The following ACADL variants were observed in gnomAD, a reference collection of about 807,000 sequenced individuals.
ACADL encodes acyl-CoA dehydrogenase long chain, also known as long-chain specific acyl-CoA dehydrogenase, mitochondrial.
ACADL carries 60 observed loss-of-function variants against 56.9 expected under a neutral mutation model. That is an observed-to-expected ratio of 1.05 (90% CI 0.86 to 1.31). The LOEUF is 1.31. Ranked by LOEUF, ACADL falls within the 50% of genes most tolerant of loss-of-function variation. ACADL has a pLI of 0.00. For missense variants in ACADL, 484 were observed against 525.5 expected (o/e 0.92, Z 0.77); for synonymous variants, 158 against 179.7 (o/e 0.88, Z 0.97).
At chr2:210,222,273 G>A (rs373429077) in intron 1 of ACADL, among the ~76,000 whole-genome samples, 178 of 152,204 alleles carry the variant, frequency 1.2e-3, no homozygotes, top group African/African-American at 3.9e-3. Flanking sequence ...TAATACCTTA[G>A]AAGGTGGTAA....
chr2:210,216,470 G>GT lies in ACADL; in HGVS notation c.412_413insA (p.Ser138TyrfsTer18), dbSNP rs749406290. The GT allele has an allele frequency of 6.2e-7, 1 of 1,611,178 alleles. No individual in the cohort carries two copies. Among genetic ancestry groups the GT allele is most frequent in the South Asian group, 1.1e-5 (1 of 90,996 alleles). ...TGTAATATAGGACATGACAATACCT[G>GT]AATGAATACTAAAACCTGGGCCTGA... On this transcript the variant is annotated frameshift_variant, in exon 4 of 11. Transcript: ENST00000233710. LOFTEE classifies it high-confidence loss of function.
In ACADL at chr2:210,218,051, T is replaced by C. The variant is rs750625992; in HGVS notation, c.285A>G (p.Lys95=). The part of the protein sequence containing the change: ...VSREVWEKAG[K]QGLLGVNIAE... The stretch of plus-strand genomic sequence containing the variant: ...CAATATTGACACCAAGCAGTCCTTG[T>C]TTTCCAGCTTTTTCCCAAACCTCCC... Residue 95 remains lysine (K), a synonymous_variant, in exon 3 of 11, where the codon AAA becomes AAG. Coordinates refer to ENST00000233710, the MANE Select transcript of ACADL (RefSeq NM_001608.4). The C allele has an allele frequency of 6.2e-7, 1 of 1,614,022 alleles. No homozygotes were observed. Among genetic ancestry groups the C allele is most frequent in the Non-Finnish European group, 8.5e-7 (1 of 1,179,986 alleles).
chr2:210,223,740 T>C (rs891749238), intron 1 of ACADL, among the ~76,000 whole-genome samples: 1 of 152,234 alleles, frequency 6.6e-6, no homozygotes, highest in African/African-American at 2.4e-5. Flanking sequence ...ACAATGTCAC[T>C]CTTTTCACTT....
intron 5 of ACADL, 92 bp from the exon 6 acceptor site, chr2:210,205,888 A>C: frequency 6.8e-7 from 1 of 1,477,494 alleles, no homozygotes; most frequent in Non-Finnish European, 9.4e-7. Context: ...CAGAAAACTA[A>C]AACAGACAAG....
At chr2:210,197,813 G>A (rs1390541890) in intron 8 of ACADL, among the ~76,000 whole-genome samples, 5 of 152,276 alleles carry the variant, frequency 3.3e-5, no homozygotes, top group African/African-American at 9.6e-5. Context: ...CTTCAAACCA[G>A]AATGGAATGA....
intron 8 of ACADL, among the ~76,000 whole-genome samples, chr2:210,201,437 A>G (rs75032937): frequency 0.017 from 2,573 of 152,284 alleles, 78 homozygotes; most frequent in African/African-American, 0.059. Flanking sequence ...TATAAATTTT[A>G]AAGATTTATA....
intron 1 of ACADL, chr2:210,224,542 C>A: frequency 1.0e-6 from 1 of 985,412 alleles, no homozygotes; most frequent in Non-Finnish European, 1.2e-6. Context: ...TAAACACCAC[C>A]TTAGTAGTCA....
chr2:210,210,238 A>C lies in ACADL; in HGVS notation c.561T>G (p.Asn187Lys). ...TCCAGTCACTTCCATCCTTTTTAGC[A>C]TTTGTTTTTATTCCCTGTAAGTCAC... ...AGSDLQGIKT[N>K]AKKDGSDWIL... Residue 187 changes from asparagine to lysine, a missense_variant, in exon 5 of 11, where the codon AAT (asparagine) becomes AAG (lysine). Physicochemically the swap from Asn to Lys is moderately conservative, Grantham distance 94. Coordinates refer to ENST00000233710, the MANE Select transcript of ACADL (RefSeq NM_001608.4). 6.2e-7 allele frequency: 1 copy of C among 1,612,390 alleles called. No individual in the cohort carries two copies. Among genetic ancestry groups the C allele is most frequent in the Non-Finnish European group, 8.5e-7 (1 of 1,178,804 alleles).
rs1689256504 is a variant in ACADL at position 210,225,366 on chromosome 2, C to T, written c.-103G>A. 1.5e-6 allele frequency: 2 copies of T among 1,302,918 alleles called. No homozygotes were observed. The highest frequency in any genetic ancestry group is 2.6e-5 in the East Asian group (1 of 37,802). 80.7% of individuals were successfully genotyped at this position (1,302,918 alleles called of 1,614,324 possible). The stretch of plus-strand genomic sequence containing the variant: ...GGAGGACGATCAGCTGAGGCGTCCA[C>T]CTGTGGTGTCCTCCCAAAAAAGCGC... On this transcript the variant is annotated 5_prime_UTR_variant, in exon 1 of 11. The change creates a new upstream start codon in the 5' untranslated region. Transcript: ENST00000233710.
Position 210,216,394 on chromosome 2 carries a change from T to G in ACADL, c.489A>C (p.Ala163=). 6.2e-7 allele frequency: 1 copy of G among 1,613,956 alleles called. No homozygotes were observed. The change falls in exon 4 of 11, where the codon GCA becomes GCC. Residue 163 remains alanine (A), a synonymous_variant. Coordinates refer to ENST00000233710, the MANE Select transcript of ACADL (RefSeq NM_001608.4). ...QIKHFIPQMT[A]GKCIGAIAMT... ...TTGCTATTGCACCAATACATTTGCC[T>G]GCAGTCATCTGGGGAATAAAGTGCT...
chr2:210,192,636 G>A (rs1559632459), intron 10 of ACADL, among the ~76,000 whole-genome samples, 168 bp downstream of exon 10: 1 of 151,690 alleles, frequency 6.6e-6, no homozygotes, highest in Non-Finnish European at 1.5e-5. Flanking sequence ...GTAGGGAGTT[G>A]ATAAAAAAAA....
At chr2:210,203,472 AT>A (rs1450211648) in intron 7 of ACADL, 28 bp from the exon 8 acceptor site, 1 of 1,373,192 alleles carries the variant, frequency 7.3e-7, no homozygotes, top group South Asian at 1.2e-5. Context: ...GGTCTTAAAC[AT>A]TACTCTAATT....
At chr2:210,204,999 A>G (rs1216100581) in intron 6 of ACADL, among the ~76,000 whole-genome samples, 1 of 152,016 alleles carries the variant, frequency 6.6e-6, no homozygotes, top group Non-Finnish European at 1.5e-5. Context: ...AATGTATAGA[A>G]AGAACATTTT....
intron 7 of ACADL, 131 bp downstream of exon 7, chr2:210,204,450 C>T (rs1229306127): frequency 1.4e-6 from 1 of 708,754 alleles, no homozygotes; most frequent in Non-Finnish European, 2.4e-6. Context: ...CTTTAATACT[C>T]AAATGATTAG....
intron 10 of ACADL, among the ~76,000 whole-genome samples, chr2:210,192,514 A>T (rs1176881980): frequency 2.0e-5 from 3 of 152,104 alleles, no homozygotes; most frequent in African/African-American, 7.2e-5. Flanking sequence ...TAAAAAAATT[A>T]AAAAATTTTT....
intron 1 of ACADL, chr2:210,224,517 C>T (rs1000157354): frequency 1.2e-5 from 12 of 985,228 alleles, no homozygotes; most frequent in African/African-American, 1.7e-5. Flanking sequence ...GTATCTGAAA[C>T]TTTTGATCAT....
rs758248964 is a variant in ACADL, at chr2:210,220,648, C to G, written c.232G>C (p.Glu78Gln). The G allele has an allele frequency of 1.2e-6, 2 of 1,612,856 alleles. No homozygotes were observed. The highest frequency in any genetic ancestry group is 1.7e-5 in the Admixed American group (1 of 60,010). ...ATTAGAGGAAAATGTGCCACTTACTCTGAGTGATGAGGAATCACTTCTTCT... is the reference window on the plus strand; with the variant it reads ...ATTAGAGGAAAATGTGCCACTTACTGTGAGTGATGAGGAATCACTTCTTCT... ...FQEEVIPHHS[E>Q]WEKAGEVSRE... is the part of the protein sequence containing the mutation. Residue 78 changes from glutamate (E) to glutamine (Q), a missense_variant and splice_region_variant, in exon 2 of 11, where the codon GAA becomes CAA. Coordinates refer to ENST00000233710, the MANE Select transcript of ACADL (RefSeq NM_001608.4).
At chr2:210,198,651 T>A (rs1487766679) in intron 8 of ACADL, among the ~76,000 whole-genome samples, 5 of 152,106 alleles carry the variant, frequency 3.3e-5, no homozygotes, top group Non-Finnish European at 7.4e-5. Context: ...GGTTCTGGAA[T>A]TAGAATATAT....
At chr2:210,213,691 T>C (rs1027695199) in intron 4 of ACADL, among the ~76,000 whole-genome samples, 4 of 152,168 alleles carry the variant, frequency 2.6e-5, no homozygotes, top group African/African-American at 7.2e-5. Context: ...CTCAATTTCA[T>C]TGATAAGAGA....
Sources: allele counts gnomAD v4.1 joint callset (sites outside exome capture counted in the v4.1 genomes callset), GRCh38; gene constraint gnomAD v4.1.1; transcripts MANE v1.5; gene names NCBI Gene and HGNC (gene_info 2026-07-23, HGNC 2026-07-21).